KRT19: variants seen among roughly 807,000 people sequenced by gnomAD.
KRT19 encodes the protein keratin, type I cytoskeletal 19.
KRT19 carries 21 observed loss-of-function variants against 34.6 expected under a neutral mutation model. That is an observed-to-expected ratio of 0.61 (90% CI 0.43 to 0.87). The LOEUF (loss-of-function observed/expected upper bound fraction) is 0.87, where lower values mean the gene tolerates loss of function less well. KRT19 is among the 40% of genes least tolerant of loss of function. KRT19 has a pLI of 0.00. For synonymous variants in KRT19, 240 were observed against 245.8 expected, an observed-to-expected ratio of 0.98 and a Z score of 0.22; for missense variants, 514 against 545.7, an observed-to-expected ratio of 0.94 and a Z score of 0.58.
rs1905752965 is a variant in KRT19 at position 41,523,791 on chromosome 17, C to T, written c.1155G>A (p.Glu385=). ...QEIATYRSLL[E]GQEDHYNNLS... is the part of the protein sequence containing the mutation. ...AATTGTTGTAGTGATCTTCCTGTCC[C>T]TCGAGCAGGCTGCGGTAGGTGGCAA... Residue 385 remains glutamate (E), a synonymous_variant, in exon 6 of 6, where the codon GAG becomes GAA. Coordinates refer to ENST00000361566, the MANE Select transcript of KRT19 (RefSeq NM_002276.5). 1 of 1,613,892 alleles carries T rather than the reference C, an allele frequency of 6.2e-7. No individual in the cohort carries two copies.
intron 1 of KRT19, 33 bp from the exon 2 acceptor site, chr17:41,525,306 C>T (rs371295545): frequency 3.0e-5 from 44 of 1,464,216 alleles, no homozygotes; most frequent in Middle Eastern, 3.4e-4. Flanking sequence ...GGTACCAGTT[C>T]AACACACAGG....
chr17:41,524,817 G>A, intron 3 of KRT19, 26 bp downstream of exon 3: 1 of 1,612,426 alleles, frequency 6.2e-7, no homozygotes, highest in Non-Finnish European at 8.5e-7. Context: ...GGGAAGGATG[G>A]AAGAAAGGCC....
chr17:41,527,833 C>G lies in KRT19; in HGVS notation c.415G>C (p.Asp139His). 1.9e-6 allele frequency: 3 copies of G among 1,582,272 alleles called. No homozygotes were observed. Among genetic ancestry groups the G allele is most frequent in the Non-Finnish European group, 2.6e-6 (3 of 1,161,446 alleles). The change falls in exon 1 of 6, where the codon GAC (aspartate) becomes CAC (histidine). Residue 139 changes from aspartate to histidine, a missense_variant. Asp to His is a moderately conservative substitution (Grantham distance 81). Coordinates refer to ENST00000361566, the MANE Select transcript of KRT19 (RefSeq NM_002276.5). ...HYYTTIQDLRDKILGATIENS... is the reference protein window; with the variant it reads ...HYYTTIQDLRHKILGATIENS... ...GCGGCCGGGCCTCCGCCCACCTTGTCCCGCAGGTCCTGGATGGTCGTGTAG... is the reference window on the plus strand; with the variant it reads ...GCGGCCGGGCCTCCGCCCACCTTGTGCCGCAGGTCCTGGATGGTCGTGTAG...
chr17:41,527,181 A>T (rs1311511437), intron 1 of KRT19, among the ~76,000 whole-genome samples: 1 of 62,062 alleles, frequency 1.6e-5, no homozygotes, highest in Non-Finnish European at 3.9e-5. Flanking sequence ...CCCGACAAGG[A>T]GCTGCCACTG....
At chr17:41,524,647 A>G in intron 3 of KRT19, 107 bp from the exon 4 acceptor site, 1 of 1,340,520 alleles carries the variant, frequency 7.5e-7, no homozygotes, top group Non-Finnish European at 1.1e-6. Context: ...TTTCAGGTGC[A>G]GGCCTAGTAA....
chr17:41,525,780 T>G (rs7209408), intron 1 of KRT19: 104,167 of 160,520 alleles, frequency 0.65, 34,241 homozygotes, highest in East Asian at 0.92. Context: ...AAACTAAAGT[T>G]TAGGATGATG....
At chr17:41,526,618 C>T (rs1905876921) in intron 1 of KRT19, among the ~76,000 whole-genome samples, 1 of 118,606 alleles carries the variant, frequency 8.4e-6, no homozygotes, top group African/African-American at 3.2e-5. Context: ...GTGGCCGAGA[C>T]TGAAGTGCAA....
chr17:41,524,580 A>T (rs1301725186), intron 3 of KRT19, 40 bp from the exon 4 acceptor site: 1 of 1,599,364 alleles, frequency 6.3e-7, no homozygotes, highest in African/African-American at 1.3e-5. Context: ...CAGGGCCCAG[A>T]CCCCACTGGG....
Position 41,528,148 on chromosome 17 carries a change from G to GGCC in KRT19, c.99_100insGGC (p.Ala33_Pro34insGly). Reference sequence around the variant, plus strand: ...CCGCCGGAGCCCCCGTGAATGCTGGGCGCGCGAAAGGCGACCCCCGGCCCA... The same window carrying GGCC: ...CCGCCGGAGCCCCCGTGAATGCTGGGGCCCGCGCGAAAGGCGACCCCCGGCCCA... On this transcript the variant is annotated inframe_insertion, in exon 1 of 6. Coordinates refer to ENST00000361566, the MANE Select transcript of KRT19 (RefSeq NM_002276.5). The GGCC allele has an allele frequency of 6.2e-7, 1 of 1,600,396 alleles. No homozygotes were observed. The highest frequency in any genetic ancestry group is 1.1e-5 in the South Asian group (1 of 90,526).
rs368104623 is a variant in KRT19 at position 41,523,958 on chromosome 17, G to C, written c.988C>G (p.Arg330Gly). 2.5e-6 allele frequency: 4 copies of C among 1,613,032 alleles called. No homozygotes were observed. Among genetic ancestry groups the C allele is most frequent in the Non-Finnish European group, 3.4e-6 (4 of 1,179,340 alleles). The change falls in exon 6 of 6, where the codon CGC (arginine) becomes GGC (glycine). Residue 330 changes from arginine (R) to glycine (G), a missense_variant. Transcript: ENST00000361566. ...LEDTLAETEA[R>G]FGAQLAHIQA... ...ATATGCGCCAGCTGGGCTCCAAAGC[G>C]CGCCTCCGTTTCTGCCAGTGTGTCT...
Position 41,525,200 on chromosome 17 carries a change from AAGTCATCT to A in KRT19, c.486_493del (p.Asp163ProfsTer5). 6.2e-7 allele frequency: 1 copy of A among 1,612,976 alleles called. No homozygotes were observed. The highest frequency in any genetic ancestry group is 1.7e-5 in the Admixed American group (1 of 60,018). On this transcript the variant is annotated frameshift_variant, in exon 2 of 6. Coordinates refer to ENST00000361566, the MANE Select transcript of KRT19 (RefSeq NM_002276.5). LOFTEE classifies it high-confidence loss of function. ...GGACAGAGACACTCACTTGGTTCGG[AAGTCATCT>A]GCAGCCAGACGGGCATTGTCGATCT...
At position 41,524,829 on chromosome 17, in the gene KRT19, A is replaced by G. The variant is rs1905801314; in HGVS notation, c.660+14T>C. On this transcript the variant is annotated intron_variant, in intron 3 of 5. Coordinates refer to ENST00000361566, the MANE Select transcript of KRT19 (RefSeq NM_002276.5). Reference sequence around the variant, plus strand: ...TTAGGGAAGGATGGAAGAAAGGCCCAGCTTCAAACCCACCTCCTCATGGTT... The same window carrying G: ...TTAGGGAAGGATGGAAGAAAGGCCCGGCTTCAAACCCACCTCCTCATGGTT... The G allele has an allele frequency of 6.2e-7, 1 of 1,613,150 alleles. No individual in the cohort carries two copies. Among genetic ancestry groups the G allele is most frequent in the African/African-American group, 1.3e-5 (1 of 75,020 alleles).
At chr17:41,527,041 T>C (rs1905889000) in intron 1 of KRT19, among the ~76,000 whole-genome samples, 1 of 152,188 alleles carries the variant, frequency 6.6e-6, no homozygotes, top group African/African-American at 2.4e-5. Context: ...GCTGTAAATG[T>C]TCCATGGCTT....
chr17:41,524,523 C>G lies in KRT19; in HGVS notation c.678G>C (p.Arg226Ser). 1 of 1,614,112 alleles carries G rather than the reference C, an allele frequency of 6.2e-7. No individual in the cohort carries two copies. The highest frequency in any genetic ancestry group is 8.5e-7 in the Non-Finnish European group (1 of 1,179,982). ...KNHEEEISTLRGQVGGQVSVE... is the reference protein window; with the variant it reads ...KNHEEEISTLSGQVGGQVSVE... ...CACTGACCTGGCCTCCCACTTGGCC[C>G]CTCAGCGTACTGATTTCCTGTAAAG... Residue 226 changes from arginine (R) to serine (S), a missense_variant, in exon 4 of 6, where the codon AGG (arginine) becomes AGC (serine). Coordinates refer to ENST00000361566, the MANE Select transcript of KRT19 (RefSeq NM_002276.5).
At position 41,524,401 on chromosome 17, in the gene KRT19, G is replaced by C; in HGVS notation, c.800C>G (p.Ala267Gly). ...EVMAEQNRKD[A>G]EAWFTSRTEE... Reference sequence around the variant, plus strand: ...TACCCGGCTGGTGAACCAGGCTTCAGCATCCTTCCGGTTCTGCTCGGCCAT... The same window carrying C: ...TACCCGGCTGGTGAACCAGGCTTCACCATCCTTCCGGTTCTGCTCGGCCAT... Residue 267 changes from alanine (A) to glycine (G), a missense_variant, in exon 4 of 6, where the codon GCT (alanine) becomes GGT (glycine). Physicochemically the swap from Ala to Gly is moderately conservative, Grantham distance 60. Transcript: ENST00000361566. 1 of 1,614,186 alleles carries C rather than the reference G, an allele frequency of 6.2e-7. No homozygotes were observed. Among genetic ancestry groups the C allele is most frequent in the Non-Finnish European group, 8.5e-7 (1 of 1,180,044 alleles).
Position 41,524,278 on chromosome 17 carries a change from G to A in KRT19, c.823-10C>T. On this transcript the variant is annotated splice_polypyrimidine_tract_variant and intron_variant, in intron 4 of 5. Coordinates refer to ENST00000361566, the MANE Select transcript of KRT19 (RefSeq NM_002276.5). The stretch of plus-strand genomic sequence containing the variant: ...GGTTCAATTCTTCAGTCTGCAGAGA[G>A]AGGAAGAAGAGGGAATAAGCATTGA... The A allele has an allele frequency of 6.2e-7, 1 of 1,613,352 alleles. No homozygotes were observed. The highest frequency in any genetic ancestry group is 8.5e-7 in the Non-Finnish European group (1 of 1,179,472).
rs775818381 is a variant in KRT19 at position 41,524,421 on chromosome 17, G to A, written c.780C>T (p.Ala260=). 25 of 1,613,992 alleles carry A rather than the reference G, an allele frequency of 1.5e-5. No homozygotes were observed. Among genetic ancestry groups the A allele is most frequent in the African/African-American group, 8.0e-5 (6 of 74,906 alleles). ...CTTCAGCATCCTTCCGGTTCTGCTC[G>A]GCCATGACCTCATATTGGCTTCGCA... ...SDMRSQYEVM[A]EQNRKDAEAW... is the part of the protein sequence containing the mutation. The change falls in exon 4 of 6, where the codon GCC becomes GCT. Residue 260 remains alanine, a synonymous_variant. Transcript: ENST00000361566.
chr17:41,528,303 A>G lies in KRT19; in HGVS notation c.-56T>C, dbSNP rs1293610119. ...GGTCTCAGAAGCTGCGATTCGCGGG[A>G]GGAGCGGCGAGGCCCTCACCTGGCG... On this transcript the variant is annotated 5_prime_UTR_variant, in exon 1 of 6. Coordinates refer to ENST00000361566, the MANE Select transcript of KRT19 (RefSeq NM_002276.5). 19 of 1,470,260 alleles carry G rather than the reference A, an allele frequency of 1.3e-5. No homozygotes were observed. Among genetic ancestry groups the G allele is most frequent in the Non-Finnish European group, 1.7e-5 (19 of 1,119,050 alleles). The allele number at this position is 1,470,260 out of a possible 1,614,324, so 91.1% of individuals were successfully genotyped here.
rs1905949401 is a variant in KRT19 at position 41,528,269 on chromosome 17, A to T, written c.-22T>A. On this transcript the variant is annotated 5_prime_UTR_variant, in exon 1 of 6. Transcript: ENST00000361566. Reference sequence around the variant, plus strand: ...TCATGGCGAGGCGGAGCACGGACGGAGCAACCCTGGTCTCAGAAGCTGCGA... The same window carrying T: ...TCATGGCGAGGCGGAGCACGGACGGTGCAACCCTGGTCTCAGAAGCTGCGA... The T allele has an allele frequency of 6.6e-7, 1 of 1,524,084 alleles. No individual in the cohort carries two copies. The highest frequency in any genetic ancestry group is 1.4e-5 in the African/African-American group (1 of 72,546). The allele number at this position is 1,524,084 out of a possible 1,614,324, so 94.4% of individuals were successfully genotyped here.
Sources: allele counts gnomAD v4.1 joint callset (sites outside exome capture counted in the v4.1 genomes callset), GRCh38; gene constraint gnomAD v4.1.1; transcripts MANE v1.5; gene names NCBI Gene and HGNC (gene_info 2026-07-23, HGNC 2026-07-21).